LOXL4: variants seen among roughly 807,000 people sequenced by gnomAD.
LOXL4 encodes the protein lysyl oxidase homolog 4.
In LOXL4, 72 loss-of-function variants were observed where a neutral mutation model predicts 89.1. The observed-to-expected ratio is 0.81, with a 90% CI of 0.67 to 0.98. The LOEUF is 0.98. Among genes scored for constraint, LOXL4 ranks in the 50% least tolerant of loss-of-function variants. The pLI, the probability that LOXL4 is intolerant of heterozygous loss-of-function variation, is 0.00. For synonymous variants in LOXL4, 355 were observed against 392.1 expected, an observed-to-expected ratio of 0.91 and a Z score of 1.12; for missense variants, 984 against 1,017.5, an observed-to-expected ratio of 0.97 and a Z score of 0.45.
chr10:98,258,756 A>G (rs531416558), intron 6 of LOXL4, among the ~76,000 whole-genome samples: 47 of 152,266 alleles, frequency 3.1e-4, no homozygotes, highest in African/African-American at 1.0e-3. Context: ...AGTGGAATGT[A>G]GTTAGGATTT....
chr10:98,256,534 C>T, intron 9 of LOXL4: 4 of 548,410 alleles, frequency 7.3e-6, no homozygotes, highest in Non-Finnish European at 1.3e-5. Flanking sequence ...CCTCCTCCAC[C>T]TTGTCTGACT....
intron 9 of LOXL4, chr10:98,256,455 C>A (rs1858367563): frequency 7.9e-6 from 3 of 378,140 alleles, no homozygotes; most frequent in East Asian, 6.9e-5. Flanking sequence ...CACTACAATC[C>A]CTGGCCCTGA....
intron 5 of LOXL4, 21 bp downstream of exon 5, chr10:98,259,370 C>T: frequency 6.2e-7 from 1 of 1,612,360 alleles, no homozygotes; most frequent in Non-Finnish European, 8.5e-7. Context: ...TGCCTCCTCC[C>T]TCTAGGGTGC....
chr10:98,249,008 A>G lies in LOXL4; in HGVS notation c.2201-17T>C, dbSNP rs1402768017. 2 of 1,609,716 alleles carry G rather than the reference A, an allele frequency of 1.2e-6. No homozygotes were observed. The highest frequency in any genetic ancestry group is 1.7e-6 in the Non-Finnish European group (2 of 1,176,788). On this transcript the variant is annotated splice_polypyrimidine_tract_variant and intron_variant, in intron 14 of 14. Coordinates refer to ENST00000260702, the MANE Select transcript of LOXL4 (RefSeq NM_032211.7). ...ATGAATTCCCTGTGGGCCAAAGGAA[A>G]ACAGGTAAGTAGCCAACCTTTCCAG...
intron 14 of LOXL4, 63 bp from the exon 15 acceptor site, chr10:98,249,054 C>T: frequency 7.7e-7 from 1 of 1,292,736 alleles, no homozygotes. Context: ...TCCCTGACAA[C>T]TTACATAGAT....
In LOXL4 at chr10:98,252,676, C is replaced by A. The variant is rs73327609; in HGVS notation, c.1836-208G>T. ...TGCCAGGCAGCAAGTACAGCTGCCC[C>A]CACCACCTAGGGTCTCAACCCAGGC... On this transcript the variant is annotated intron_variant, in intron 11 of 14. Coordinates refer to ENST00000260702, the MANE Select transcript of LOXL4 (RefSeq NM_032211.7). 1.4e-3 allele frequency among the ~76,000 whole-genome samples: 218 copies of A among 152,298 alleles called. 1 individual carries two copies. The highest frequency in any genetic ancestry group is 5.0e-3 in the African/African-American group (207 of 41,586).
Position 98,251,487 on chromosome 10 carries a change from C to G in LOXL4, c.2088+79G>C, listed in dbSNP as rs146958632. ...CGGAAACCCTGTATGGGAAATTCTT[C>G]CCTTCATTTGCCCTCAGGGAAAGTT... On this transcript the variant is annotated intron_variant, in intron 13 of 14. Transcript: ENST00000260702. The G allele has an allele frequency of 3.1e-4, 480 of 1,567,632 alleles. 4 individuals are homozygous for G. The East Asian group carries it at 9.8e-3, about 32-fold the overall frequency.
intron 10 of LOXL4, 24 bp downstream of exon 10, chr10:98,255,553 C>A: frequency 6.3e-7 from 1 of 1,585,814 alleles, no homozygotes; most frequent in Non-Finnish European, 8.6e-7. Flanking sequence ...CTGTCCCCAG[C>A]CCTGTGAGCC....
chr10:98,262,825 C>T lies in LOXL4; in HGVS notation c.195G>A (p.Gln65=). 6.2e-7 allele frequency: 1 copy of T among 1,613,750 alleles called. No individual in the cohort carries two copies. The highest frequency in any genetic ancestry group is 8.5e-7 in the Non-Finnish European group (1 of 1,180,038). ...GCTGGCGGCAAGCCACTGTGGCCTC[C>T]TGGATAGCAAAGTTGTCATCACACA... ...GTVCDDNFAI[Q]EATVACRQLG... is the part of the protein sequence containing the mutation. Residue 65 remains glutamine (Q), a synonymous_variant, in exon 2 of 15, where the codon CAG becomes CAA. Coordinates refer to ENST00000260702, the MANE Select transcript of LOXL4 (RefSeq NM_032211.7).
Position 98,258,109 on chromosome 10 carries a change from A to T in LOXL4, c.977T>A (p.Val326Glu), listed in dbSNP as rs1331706608. ...GAQVGEGRVE[V>E]LMNRQWGTVC... ...CGTGCCCCACTGGCGGTTCATGAGCACTTCCACCCGGCCCTCGCCCACCTG... is the reference window on the plus strand; with the variant it reads ...CGTGCCCCACTGGCGGTTCATGAGCTCTTCCACCCGGCCCTCGCCCACCTG... The change falls in exon 7 of 15, where the codon GTG (valine) becomes GAG (glutamate). Residue 326 changes from valine (V) to glutamate (E), a missense_variant. Val to Glu is a moderately radical substitution (Grantham distance 121). Transcript: ENST00000260702. 6.2e-7 allele frequency: 1 copy of T among 1,613,348 alleles called. No individual in the cohort carries two copies. Among genetic ancestry groups the T allele is most frequent in the Admixed American group, 1.7e-5 (1 of 60,018 alleles).
At chr10:98,261,159 G>A in intron 3 of LOXL4, 32 bp from the exon 4 acceptor site, 2 of 1,601,688 alleles carry the variant, frequency 1.2e-6, no homozygotes, top group South Asian at 1.1e-5. Context: ...GTGGGCCTCG[G>A]GGCTCCTGCT....
In LOXL4 at chr10:98,255,617, G is replaced by T. The variant is rs564977441; in HGVS notation, c.1551C>A (p.His517Gln). ...CQRHGPVHCS[H>Q]GGGRFLAGVS... ...CTCCAGCCAGGAAGCGCCCGCCACC[G>T]TGGGAGCAGTGCACCGGCCCGTGCC... Residue 517 changes from histidine to glutamine, a missense_variant, in exon 10 of 15, where the codon CAC becomes CAA. Coordinates refer to ENST00000260702, the MANE Select transcript of LOXL4 (RefSeq NM_032211.7). The T allele has an allele frequency of 1.9e-5, 30 of 1,612,202 alleles. No individual in the cohort carries two copies. Among genetic ancestry groups the T allele is most frequent in the Non-Finnish European group, 2.3e-5 (27 of 1,178,640 alleles).
rs140654968 is a variant in LOXL4 at position 98,256,815 on chromosome 10, G to C, written c.1393C>G (p.Gln465Glu). The stretch of plus-strand genomic sequence containing the variant: ...TGGATGGCAAAACCCAGGCCGAGCT[G>C]TCGGCAGGCCACCATGGCTTCGGTG... ...GLTEAMVACR[Q>E]LGLGFAIHAY... is the part of the protein sequence containing the mutation. The change falls in exon 9 of 15, where the codon CAG becomes GAG. Residue 465 changes from glutamine to glutamate, a missense_variant. Transcript: ENST00000260702. 4.8e-4 allele frequency: 772 copies of C among 1,614,174 alleles called. No homozygotes were observed. The highest frequency in any genetic ancestry group is 6.2e-4 in the Non-Finnish European group (728 of 1,180,040).
At chr10:98,251,233 C>A in intron 13 of LOXL4, 57 bp from the exon 14 acceptor site, 1 of 1,263,218 alleles carries the variant, frequency 7.9e-7, no homozygotes, top group Non-Finnish European at 1.2e-6. Flanking sequence ...AATGAGTTGA[C>A]TGTGGCTGTG....
At chr10:98,255,809 T>G (rs1406148411) in intron 9 of LOXL4, 70 bp from the exon 10 acceptor site, 4 of 1,542,128 alleles carry the variant, frequency 2.6e-6, no homozygotes, top group Non-Finnish European at 3.5e-6. Flanking sequence ...ATCTGAGGTG[T>G]GGCCTCAGTC....
intron 14 of LOXL4, among the ~76,000 whole-genome samples, chr10:98,250,242 ACTT>A (rs1258909254): frequency 5.9e-5 from 9 of 152,200 alleles, no homozygotes; most frequent in Non-Finnish European, 1.2e-4. Context: ...ATCAAATACT[ACTT>A]CTGTGAAGCT....
chr10:98,260,961 C>T lies in LOXL4; in HGVS notation c.623G>A (p.Gly208Asp). The T allele has an allele frequency of 6.2e-7, 1 of 1,613,624 alleles. No individual in the cohort carries two copies. Among genetic ancestry groups the T allele is most frequent in the Non-Finnish European group, 8.5e-7 (1 of 1,179,942 alleles). ...NNSRVVCGML[G>D]FPSEVPVDSH... ...GTCGACAGGCACCTCGCTGGGGAAG[C>T]CCAGCATCCCGCACACCACCCTGCT... The change falls in exon 4 of 15, where the codon GGC becomes GAC. Residue 208 changes from glycine (G) to aspartate (D), a missense_variant. By Grantham distance (94) the Gly-to-Asp change is moderately conservative. Transcript: ENST00000260702.
rs1858106724 is a variant in LOXL4, at chr10:98,248,819, A to C, written c.*102T>G. Reference sequence around the variant, plus strand: ...GAGCAGGTTCTTGGTGCCCCTTGGCACTGGCCCTTTTCCTCTGAGTTGGGA... The same window carrying C: ...GAGCAGGTTCTTGGTGCCCCTTGGCCCTGGCCCTTTTCCTCTGAGTTGGGA... On this transcript the variant is annotated 3_prime_UTR_variant, in exon 15 of 15. Transcript: ENST00000260702. The C allele has an allele frequency of 1.9e-6, 2 of 1,057,562 alleles. No individual in the cohort carries two copies. The highest frequency in any genetic ancestry group is 2.1e-5 in the Admixed American group (1 of 47,862). The allele number at this position is 1,057,562 out of a possible 1,614,324, so 65.5% of individuals were successfully genotyped here.
chr10:98,248,950 C>G lies in LOXL4; in HGVS notation c.2242G>C (p.Glu748Gln), dbSNP rs1564754085. ...ATGAGGTTGTTCCTGAGACGCTGTTCCTGCTCCAGGGAGAGTTCTGCATTG... is the reference window on the plus strand; with the variant it reads ...ATGAGGTTGTTCCTGAGACGCTGTTGCTGCTCCAGGGAGAGTTCTGCATTG... ...PANAELSLEQEQRLRNNLI is the reference protein window; with the variant it reads ...PANAELSLEQQQRLRNNLI The change falls in exon 15 of 15, where the codon GAA becomes CAA. Residue 748 changes from glutamate (E) to glutamine (Q), a missense_variant. Physicochemically the swap from Glu to Gln is conservative, Grantham distance 29. Coordinates refer to ENST00000260702, the MANE Select transcript of LOXL4 (RefSeq NM_032211.7). 1 of 1,613,906 alleles carries G rather than the reference C, an allele frequency of 6.2e-7. No homozygotes were observed. Among genetic ancestry groups the G allele is most frequent in the Non-Finnish European group, 8.5e-7 (1 of 1,179,932 alleles).
Sources: allele counts gnomAD v4.1 joint callset (sites outside exome capture counted in the v4.1 genomes callset), GRCh38; gene constraint gnomAD v4.1.1; transcripts MANE v1.5; gene names NCBI Gene and HGNC (gene_info 2026-07-23, HGNC 2026-07-21).